ADGRL3: variants seen among roughly 807,000 people sequenced by gnomAD.
ADGRL3 encodes the protein calcium-independent alpha-latrotoxin receptor 3.
In ADGRL3, 62 loss-of-function variants were observed where a neutral mutation model predicts 153.5. That is an observed-to-expected ratio of 0.40 (90% CI 0.33 to 0.50). The LOEUF is 0.50. Among genes scored for constraint, ADGRL3 ranks in the 20% least tolerant of loss-of-function variants. The pLI is 0.47. For missense variants in ADGRL3, 1,641 were observed against 1,859.4 expected, an observed-to-expected ratio of 0.88 and a Z score of 2.16; for synonymous variants, 710 against 672.5, an observed-to-expected ratio of 1.06 and a Z score of -0.86.
chr4:61,251,460 T>C (rs1427527488), intron 1 of ADGRL3, among the ~76,000 whole-genome samples: 1 of 152,202 alleles, frequency 6.6e-6, no homozygotes, highest in African/African-American at 2.4e-5. Flanking sequence ...TCCCATGGCA[T>C]CACTTTTGCC....
intron 9 of ADGRL3, among the ~76,000 whole-genome samples, chr4:61,873,805 T>C (rs1378860848): frequency 6.6e-6 from 1 of 152,006 alleles, no homozygotes; most frequent in African/African-American, 2.4e-5. Flanking sequence ...TAGAGATATT[T>C]TTGTCACAAT....
intron 9 of ADGRL3, among the ~76,000 whole-genome samples, chr4:61,853,619 C>G (rs1376973600): frequency 6.6e-6 from 1 of 152,188 alleles, no homozygotes; most frequent in Non-Finnish European, 1.5e-5. Context: ...CGTAGAGACA[C>G]TAAAGAAGCC....
intron 2 of ADGRL3, among the ~76,000 whole-genome samples, chr4:61,435,501 T>C (rs2097433181): frequency 6.6e-6 from 1 of 152,052 alleles, no homozygotes; most frequent in South Asian, 2.1e-4. Flanking sequence ...TGTGGGCCCA[T>C]TACCGGTGTG....
chr4:62,033,119 G>A (rs932341869), intron 23 of ADGRL3, among the ~76,000 whole-genome samples: 6 of 151,672 alleles, frequency 4.0e-5, no homozygotes, highest in African/African-American at 1.4e-4. Flanking sequence ...CCCCATGAAG[G>A]GACATAGGCT....
chr4:61,362,352 A>G (rs1357247032), intron 1 of ADGRL3, among the ~76,000 whole-genome samples: 1 of 151,286 alleles, frequency 6.6e-6, no homozygotes, highest in Non-Finnish European at 1.5e-5. Context: ...ATATACACAC[A>G]CACACATATA....
At chr4:62,051,824 T>A (rs1734371845) in intron 25 of ADGRL3, among the ~76,000 whole-genome samples, 1 of 151,912 alleles carries the variant, frequency 6.6e-6, no homozygotes, top group African/African-American at 2.4e-5. Context: ...ATTCTAAATA[T>A]AAGTGCTATA....
chr4:62,025,133 G>A (rs1023816695), intron 21 of ADGRL3, among the ~76,000 whole-genome samples: 1 of 152,050 alleles, frequency 6.6e-6, no homozygotes. Flanking sequence ...TAGAATAAAA[G>A]ATGAAATGTT....
In ADGRL3 at chr4:61,973,106, ATCTG is replaced by A. The variant is rs1449650227; in HGVS notation, c.2806-6453_2806-6450del. Among the ~76,000 whole-genome samples the A allele has an allele frequency of 6.6e-5, 10 of 152,196 alleles. No individual in the cohort carries two copies. The East Asian group carries it at 1.9e-3, about 29-fold the overall frequency. On this transcript the variant is annotated intron_variant, in intron 17 of 26. Transcript: ENST00000683033. The stretch of plus-strand genomic sequence containing the variant: ...TAGTTAAAATGAAAACTATTTTAAG[ATCTG>A]TCTCTCTATCTCGTTTGCTGACTTG...
intron 25 of ADGRL3, among the ~76,000 whole-genome samples, chr4:62,060,151 C>T (rs530116774): frequency 6.6e-6 from 1 of 152,060 alleles, no homozygotes; most frequent in Non-Finnish European, 1.5e-5. Context: ...TGATTCTTCC[C>T]AGTCAACTGT....
intron 2 of ADGRL3, among the ~76,000 whole-genome samples, chr4:61,435,707 T>A (rs2097435912): frequency 6.6e-6 from 1 of 152,134 alleles, no homozygotes; most frequent in African/African-American, 2.4e-5. Flanking sequence ...GTCTTTTGCT[T>A]TCTCTCTTGT....
chr4:61,475,272 T>C lies in ADGRL3; in HGVS notation c.-173-21849T>C, dbSNP rs1014621769. Reference sequence around the variant, plus strand: ...TTAAATCATGACATTTTAAGCATATTTTGTTGGAACTGGAAGGGGATAGTA... The same window carrying C: ...TTAAATCATGACATTTTAAGCATATCTTGTTGGAACTGGAAGGGGATAGTA... On this transcript the variant is annotated intron_variant, in intron 2 of 26. Coordinates refer to ENST00000683033, the MANE Select transcript of ADGRL3 (RefSeq NM_001387552.1). Among the ~76,000 whole-genome samples, 6 of 152,256 alleles carry C rather than the reference T, an allele frequency of 3.9e-5. No individual in the cohort carries two copies. In the East Asian group the frequency reaches 9.6e-4, roughly 24 times the overall value.
chr4:61,775,148 T>A (rs1333687026), intron 8 of ADGRL3, among the ~76,000 whole-genome samples: 1 of 152,186 alleles, frequency 6.6e-6, no homozygotes, highest in East Asian at 1.9e-4. Flanking sequence ...TCTGCTACTT[T>A]TCATAACCTT....
intron 5 of ADGRL3, among the ~76,000 whole-genome samples, chr4:61,601,983 G>A (rs760025556): frequency 1.1e-4 from 16 of 152,088 alleles, no homozygotes; most frequent in Non-Finnish European, 1.8e-4. Context: ...GATCAAAAAT[G>A]TGTTTGTTAA....
In ADGRL3 at chr4:61,733,481, C is replaced by G; in HGVS notation, c.1326C>G (p.Asn442Lys). 1 of 1,613,672 alleles carries G rather than the reference C, an allele frequency of 6.2e-7. No individual in the cohort carries two copies. The highest frequency in any genetic ancestry group is 8.5e-7 in the Non-Finnish European group (1 of 1,179,770). Reference sequence around the variant, plus strand: ...CTGTGGATTACAACCCCAGGGACAACCTACTTTATGTATGGAATAACTATC... The same window carrying G: ...CTGTGGATTACAACCCCAGGGACAAGCTACTTTATGTATGGAATAACTATC... Reference protein sequence around the residue: ...IAAVDYNPRDNLLYVWNNYHV... With the variant: ...IAAVDYNPRDKLLYVWNNYHV... The change falls in exon 8 of 27, where the codon AAC (asparagine) becomes AAG (lysine). Residue 442 changes from asparagine to lysine, a missense_variant. This residue lies in a region of ADGRL3 where 734 missense variants were observed against 797.0 expected (regional missense o/e 0.92). Coordinates refer to ENST00000683033, the MANE Select transcript of ADGRL3 (RefSeq NM_001387552.1).
At chr4:61,563,714 T>C (rs2098804718) in intron 4 of ADGRL3, among the ~76,000 whole-genome samples, 1 of 152,146 alleles carries the variant, frequency 6.6e-6, no homozygotes, top group Non-Finnish European at 1.5e-5. Context: ...TTACTTCTTT[T>C]TTAAAACCTC....
intron 1 of ADGRL3, among the ~76,000 whole-genome samples, chr4:61,254,403 T>C (rs2091765737): frequency 6.6e-6 from 1 of 152,174 alleles, no homozygotes; most frequent in Admixed American, 6.6e-5. Context: ...TTATGAAAGT[T>C]TCTACCTTCT....
chr4:61,666,446 G>A (rs2094797006), intron 5 of ADGRL3, among the ~76,000 whole-genome samples: 1 of 151,018 alleles, frequency 6.6e-6, no homozygotes, highest in African/African-American at 2.4e-5. Flanking sequence ...CCTTGTCTCA[G>A]CCCAGTCATG....
intron 9 of ADGRL3, among the ~76,000 whole-genome samples, chr4:61,834,059 C>T (rs1349443041): frequency 6.7e-6 from 1 of 150,274 alleles, no homozygotes; most frequent in Non-Finnish European, 1.5e-5. Context: ...TGGTGTGCTG[C>T]ACCCATTAAC....
At chr4:61,532,202 A>T (rs1404249137) in intron 4 of ADGRL3, among the ~76,000 whole-genome samples, 3 of 152,218 alleles carry the variant, frequency 2.0e-5, no homozygotes, top group African/African-American at 7.2e-5. Flanking sequence ...GCGTGACTGC[A>T]TCTAGACAGA....
Sources: gnomAD v4.1 joint callset for allele counts (sites outside exome capture counted in the v4.1 genomes callset) on GRCh38, gnomAD v4.1.1 for gene constraint, gnomAD v4.1.1 regional missense constraint, MANE v1.5 for transcripts, NCBI Gene and HGNC (gene_info 2026-07-23, HGNC 2026-07-21) for gene names.